Variants in ACOX3 observed in about 807,000 individuals in gnomAD.
ACOX3 encodes peroxisomal acyl-coenzyme A oxidase 3.
In ACOX3, 73 loss-of-function variants were observed where a neutral mutation model predicts 81.5. That is an observed-to-expected ratio of 0.90 (90% CI 0.74 to 1.09). The LOEUF (loss-of-function observed/expected upper bound fraction) is 1.09, where lower values mean the gene tolerates loss of function less well. ACOX3 is among the 50% of genes least tolerant of loss of function. ACOX3 has a pLI of 0.00. For missense variants in ACOX3, 947 were observed against 928.0 expected, an observed-to-expected ratio of 1.02 and a Z score of -0.27; for synonymous variants, 387 against 375.1, an observed-to-expected ratio of 1.03 and a Z score of -0.37.
At chr4:8,373,513 C>T (rs376565853) in intron 16 of ACOX3, 48 bp downstream of exon 16, 23 of 1,594,616 alleles carry the variant, frequency 1.4e-5, no homozygotes, top group Middle Eastern at 1.7e-4. Flanking sequence ...TCGCTCTGGG[C>T]GGTTGTGTAA....
intron 7 of ACOX3, among the ~76,000 whole-genome samples, chr4:8,401,565 C>T (rs1372153742): frequency 1.3e-5 from 2 of 152,212 alleles, no homozygotes; most frequent in Non-Finnish European, 2.9e-5. Flanking sequence ...TGGCTCTTTC[C>T]TAACTCTGCC....
rs1717685372 is a variant in ACOX3, at chr4:8,381,781, G to T, written c.1538-174C>A. Among the ~76,000 whole-genome samples, 1 of 152,198 alleles carries T rather than the reference G, an allele frequency of 6.6e-6. No individual in the cohort carries two copies. Among genetic ancestry groups the T allele is most frequent in the Non-Finnish European group, 1.5e-5 (1 of 68,032 alleles). ...TATAGGTAGGGAAACTGAAGCACAG[G>T]GAGGGCACCTGCCCAGGGCCCCCCT... On this transcript the variant is annotated intron_variant, in intron 13 of 17. Transcript: ENST00000356406. This position sits in a 1 kb window ranked among gnomAD's most constrained non-coding sequence, Gnocchi z 4.3.
Position 8,407,888 on chromosome 4 carries a change from C to G in ACOX3, c.688-1845G>C. Among the ~76,000 whole-genome samples, 1 of 152,196 alleles carries G rather than the reference C, an allele frequency of 6.6e-6. No individual in the cohort carries two copies. The highest frequency in any genetic ancestry group is 1.5e-5 in the Non-Finnish European group (1 of 68,042). ...CCTTCCCCTTCCCCACCAGGGGACA[C>G]GGGTGGTGTCTGGAGAGATTCTGGT... On this transcript the variant is annotated intron_variant, in intron 6 of 17. Coordinates refer to ENST00000356406, the MANE Select transcript of ACOX3 (RefSeq NM_003501.3). This position sits in a 1 kb window ranked among gnomAD's most constrained non-coding sequence, Gnocchi z 4.6.
intron 1 of ACOX3, chr4:8,438,767 A>G (rs1724395229): frequency 6.6e-6 from 1 of 152,204 alleles, no homozygotes; most frequent in Admixed American, 6.5e-5. Flanking sequence ...CACTGCTGTT[A>G]AAAGTTGCAG....
At chr4:8,378,974 T>C (rs1174641610) in intron 14 of ACOX3, among the ~76,000 whole-genome samples, 2 of 152,186 alleles carry the variant, frequency 1.3e-5, no homozygotes, top group African/African-American at 2.4e-5. Context: ...CTGCAGCTCC[T>C]GGCCCTGGCT....
At chr4:8,375,928 G>A (rs974599940) in intron 14 of ACOX3, among the ~76,000 whole-genome samples, 4 of 152,222 alleles carry the variant, frequency 2.6e-5, no homozygotes, top group Non-Finnish European at 4.4e-5. Context: ...ATGGGCACCT[G>A]CGTTGATTTC....
Position 8,389,051 on chromosome 4 carries a change from C to T in ACOX3, c.1537+122G>A, listed in dbSNP as rs531417132. On this transcript the variant is annotated intron_variant, in intron 13 of 17. Coordinates refer to ENST00000356406, the MANE Select transcript of ACOX3 (RefSeq NM_003501.3). This position sits in a 1 kb window ranked among gnomAD's most constrained non-coding sequence, Gnocchi z 5.3. ...CCAGGACAAGCTGCATGCGGGGCCT[C>T]CCACCACCACTGCTGCCCCGGCTGG... is the stretch of plus-strand genomic sequence containing the variant. 1.5e-5 allele frequency: 11 copies of T among 749,986 alleles called. No individual in the cohort carries two copies. Among genetic ancestry groups the T allele is most frequent in the African/African-American group, 1.7e-5 (1 of 57,234 alleles). 46.5% of individuals were successfully genotyped at this position (749,986 alleles called of 1,614,324 possible).
At chr4:8,361,967 AATAATT>A (rs1162049017), downstream of ACOX3, among the ~76,000 whole-genome samples, 2 of 152,232 alleles carry the variant, frequency 1.3e-5, no homozygotes, top group Non-Finnish European at 2.9e-5. Flanking sequence ...GTATGTTATT[AATAATT>A]ATAATTGTTA....
At position 8,419,029 on chromosome 4, in the gene ACOX3, T is replaced by C. The variant is rs1722644735; in HGVS notation, c.-14-2494A>G. Among the ~76,000 whole-genome samples the C allele has an allele frequency of 6.6e-6, 1 of 151,914 alleles. No individual in the cohort carries two copies. On this transcript the variant is annotated intron_variant, in intron 1 of 17. Transcript: ENST00000356406. This position sits in a 1 kb window ranked among gnomAD's most constrained non-coding sequence, Gnocchi z 4.2. ...CTAAAATACTAAATGCCGGCTATAG[T>C]GGCACGTGCCTGTGGTCCCAGCTAC...
chr4:8,420,846 T>C (rs1446319354), intron 1 of ACOX3, among the ~76,000 whole-genome samples: 2 of 152,198 alleles, frequency 1.3e-5, no homozygotes, highest in East Asian at 1.9e-4. Flanking sequence ...GAGGCACCCA[T>C]TGCTGCTCCC....
chr4:8,380,431 C>A (rs560978975), intron 14 of ACOX3, among the ~76,000 whole-genome samples: 1 of 152,216 alleles, frequency 6.6e-6, no homozygotes, highest in Non-Finnish European at 1.5e-5. Context: ...CCTTGTAATC[C>A]ACCCGTCTCA....
intron 14 of ACOX3, among the ~76,000 whole-genome samples, chr4:8,379,713 G>A (rs576327548): frequency 6.6e-6 from 1 of 152,224 alleles, no homozygotes; most frequent in African/African-American, 2.4e-5. Context: ...TTAGGAAGGG[G>A]GTCCTTTTGT....
chr4:8,387,565 C>T (rs369841066), intron 13 of ACOX3, among the ~76,000 whole-genome samples: 109 of 152,320 alleles, frequency 7.2e-4, no homozygotes, highest in African/African-American at 2.5e-3. Flanking sequence ...GAGATGGAGG[C>T]GTTGCTGCGG....
At chr4:8,356,694 ATGCAGAACTG>A in the ACOX3 span, 6 of 426,052 alleles carry the variant, frequency 1.4e-5, no homozygotes, top group Non-Finnish European at 2.3e-5. Context: ...GGAAGCAAGT[ATGCAGAACTG>A]TGCACGCTAA....
At chr4:8,361,267 CA>C in the ACOX3 span, among the ~76,000 whole-genome samples, 2 of 148,248 alleles carry the variant, frequency 1.3e-5, no homozygotes, top group Admixed American at 6.7e-5. Context: ...ACTAAAAATG[CA>C]AAAAAAAATT....
chr4:8,425,285 G>A (rs1029096201), intron 1 of ACOX3, among the ~76,000 whole-genome samples: 1 of 151,938 alleles, frequency 6.6e-6, no homozygotes, highest in Admixed American at 6.6e-5. Context: ...CTTATAGAAG[G>A]ACCCCTAGTA....
chr4:8,357,020 T>C, the ACOX3 span: 12 of 448,956 alleles, frequency 2.7e-5, no homozygotes, highest in African/African-American at 2.3e-4. Context: ...GAATGGTGCA[T>C]GCTAACGTGA....
chr4:8,376,348 T>TTAA lies in ACOX3; in HGVS notation c.1654-1197_1654-1196insTTA, dbSNP rs71649522. ...GATGAGCAGGTGCTACTTTTAAAAT[T>TTAA]AAAAAAAAAAAAATCCAGCCAAGTG... is the stretch of plus-strand genomic sequence containing the variant. On this transcript the variant is annotated intron_variant, in intron 14 of 17. Transcript: ENST00000356406. Among the ~76,000 whole-genome samples the TTAA allele has an allele frequency of 9.9e-3, 1,466 of 148,686 alleles. 18 individuals carry two copies. The highest frequency in any genetic ancestry group is 0.034 in the African/African-American group (1,366 of 40,492).
chr4:8,377,475 C>CAGCTCTGT lies in ACOX3; in HGVS notation c.1654-2324_1654-2323insACAGAGCT, dbSNP rs58448325. 2.9e-3 allele frequency among the ~76,000 whole-genome samples: 437 copies of CAGCTCTGT among 152,264 alleles called. 5 individuals are homozygous for CAGCTCTGT. The highest frequency in any genetic ancestry group is 9.8e-3 in the African/African-American group (408 of 41,562). ...AGCGTCACTCGGCTCTGCAGCTCTG[C>CAGCTCTGT]GCGTGAGCAAAAGGCGTCATGGCTC... On this transcript the variant is annotated intron_variant, in intron 14 of 17. Transcript: ENST00000356406.
Sources: allele counts gnomAD v4.1 joint callset (sites outside exome capture counted in the v4.1 genomes callset), GRCh38; gene constraint gnomAD v4.1.1; non-coding constraint Gnocchi (gnomAD v3.1); transcripts MANE v1.5; gene names NCBI Gene and HGNC (gene_info 2026-07-23, HGNC 2026-07-21).